The following ATXN1 variants were observed in gnomAD, a reference collection of about 807,000 sequenced individuals.
ATXN1 encodes ataxin 1, also known as ataxin-1.
Under a neutral mutation model 56.4 loss-of-function variants are expected in ATXN1, and 8 were observed. The ratio of observed to expected loss-of-function variants is 0.14; its 90% confidence interval spans 0.08 to 0.26. The LOEUF (loss-of-function observed/expected upper bound fraction) is 0.26. ATXN1 is among the 10% of genes least tolerant of loss of function. The probability of loss-of-function intolerance (pLI) is 1.00; values close to 1 mark genes in which losing one functional copy is unlikely to be tolerated. For synonymous variants in ATXN1, 514 were observed against 494.6 expected (o/e 1.04, Z -0.52); for missense variants, 987 against 1,106.5 (o/e 0.89, Z 1.53).
chr6:16,649,310 C>T (rs1020365184), intron 3 of ATXN1, among the ~76,000 whole-genome samples: 4 of 151,906 alleles, frequency 2.6e-5, no homozygotes, highest in Admixed American at 6.6e-5. Context: ...CAAGTATATT[C>T]CTAGAGCAGA....
chr6:16,422,534 C>T (rs1404187030), intron 6 of ATXN1, among the ~76,000 whole-genome samples: 4 of 152,172 alleles, frequency 2.6e-5, no homozygotes, highest in Admixed American at 1.3e-4. Context: ...GGGTCTCAAG[C>T]CCTGGCAATT....
At chr6:16,625,081 G>C (rs1370514536) in intron 3 of ATXN1, among the ~76,000 whole-genome samples, 2 of 152,148 alleles carry the variant, frequency 1.3e-5, no homozygotes, top group Admixed American at 1.3e-4. Context: ...AAGCCTCTTT[G>C]ATGCCATCCT....
At chr6:16,324,892 C>T (rs570392298) in intron 7 of ATXN1, among the ~76,000 whole-genome samples, 9 of 152,282 alleles carry the variant, frequency 5.9e-5, no homozygotes, top group Non-Finnish European at 1.0e-4. Flanking sequence ...GTATTAACCA[C>T]GCTTTTATTT....
intron 4 of ATXN1, among the ~76,000 whole-genome samples, chr6:16,523,871 T>C (rs1353603058): frequency 6.6e-6 from 1 of 151,454 alleles, no homozygotes; most frequent in Non-Finnish European, 1.5e-5. Flanking sequence ...GGCAACAGAC[T>C]ATTTAATCTA....
intron 3 of ATXN1, among the ~76,000 whole-genome samples, chr6:16,644,538 A>G (rs1199585023): frequency 6.7e-6 from 1 of 149,934 alleles, no homozygotes; most frequent in Admixed American, 6.6e-5. Context: ...AAAGGTTAAA[A>G]TGGTAAATTT....
intron 6 of ATXN1, among the ~76,000 whole-genome samples, chr6:16,347,301 G>A (rs1561861636): frequency 6.6e-6 from 1 of 152,272 alleles, no homozygotes; most frequent in Non-Finnish European, 1.5e-5. Flanking sequence ...GGGCTCCTGA[G>A]TCTGGTGGGG....
intron 2 of ATXN1, among the ~76,000 whole-genome samples, chr6:16,674,782 T>C (rs1478895185): frequency 6.6e-6 from 1 of 152,174 alleles, no homozygotes; most frequent in African/African-American, 2.4e-5. Flanking sequence ...CTGGCTCTGA[T>C]GGCAAAACAG....
At position 16,657,907 on chromosome 6, in the gene ATXN1, G is replaced by C. The variant is rs1266134681; in HGVS notation, c.-614-6C>G. Reference sequence around the variant, plus strand: ...TTTCACTATGCTCCAGTATGCTGCAGTCAAACAAAACAAAATACCAAGTCA... The same window carrying C: ...TTTCACTATGCTCCAGTATGCTGCACTCAAACAAAACAAAATACCAAGTCA... On this transcript the variant is annotated splice_region_variant and splice_polypyrimidine_tract_variant and intron_variant, in intron 2 of 7. Coordinates refer to ENST00000436367, the MANE Select transcript of ATXN1 (RefSeq NM_001128164.2). The C allele has an allele frequency of 6.6e-6, 1 of 152,184 alleles. No homozygotes were observed. The highest frequency in any genetic ancestry group is 2.4e-5 in the African/African-American group (1 of 41,442). 9.4% of individuals were successfully genotyped at this position (152,184 alleles called of 1,614,324 possible).
At chr6:16,467,147 A>C (rs1020897287) in intron 6 of ATXN1, among the ~76,000 whole-genome samples, 2 of 152,238 alleles carry the variant, frequency 1.3e-5, no homozygotes, top group Non-Finnish European at 2.9e-5. Flanking sequence ...CTGGGCGGGG[A>C]GACAGACCCC....
intron 2 of ATXN1, among the ~76,000 whole-genome samples, chr6:16,740,136 T>C (rs1264740363): frequency 6.6e-6 from 1 of 152,202 alleles, no homozygotes; most frequent in Non-Finnish European, 1.5e-5. Flanking sequence ...ATTCTGAGTA[T>C]TTCTGCAACT....
At chr6:16,566,094 T>A (rs1762211130) in intron 4 of ATXN1, among the ~76,000 whole-genome samples, 1 of 152,160 alleles carries the variant, frequency 6.6e-6, no homozygotes, top group African/African-American at 2.4e-5. Flanking sequence ...GAGAGCAGAT[T>A]ATAAAAGATT....
chr6:16,641,867 G>A (rs1206670242), intron 3 of ATXN1, among the ~76,000 whole-genome samples: 1 of 152,242 alleles, frequency 6.6e-6, no homozygotes, highest in Non-Finnish European at 1.5e-5. Context: ...TTCATGGGAA[G>A]AGGTCAAAAT....
intron 4 of ATXN1, among the ~76,000 whole-genome samples, chr6:16,574,298 G>A (rs236923): frequency 0.027 from 4,151 of 152,220 alleles, 166 homozygotes; most frequent in African/African-American, 0.093. Context: ...CTCTGCCTCC[G>A]GGGTTCAAGT....
At chr6:16,560,380 G>A (rs1285923869) in intron 4 of ATXN1, among the ~76,000 whole-genome samples, 2 of 142,790 alleles carry the variant, frequency 1.4e-5, no homozygotes, top group African/African-American at 2.6e-5. Context: ...AGTGCACCGA[G>A]ATCACACCAT....
chr6:16,518,199 G>A (rs1761222162), intron 5 of ATXN1, among the ~76,000 whole-genome samples: 1 of 152,306 alleles, frequency 6.6e-6, no homozygotes, highest in Non-Finnish European at 1.5e-5. Flanking sequence ...AATATGGCCA[G>A]AGCAGGAAGG....
At chr6:16,544,546 T>C (rs560007200) in intron 4 of ATXN1, among the ~76,000 whole-genome samples, 4 of 152,348 alleles carry the variant, frequency 2.6e-5, no homozygotes, top group African/African-American at 7.2e-5. Context: ...TCTGAGTCTA[T>C]GACCCTACAT....
chr6:16,597,453 T>TTG (rs2113776908), intron 3 of ATXN1, among the ~76,000 whole-genome samples: 1 of 151,888 alleles, frequency 6.6e-6, no homozygotes, highest in South Asian at 2.1e-4. Context: ...TTTTTTTTTT[T>TTG]TTTGAGACAG....
intron 4 of ATXN1, among the ~76,000 whole-genome samples, chr6:16,569,579 T>C (rs368991991): frequency 2.6e-5 from 4 of 151,004 alleles, no homozygotes; most frequent in African/African-American, 9.7e-5. Context: ...CTCCTGCTGT[T>C]CCTGAGACAG....
intron 6 of ATXN1, among the ~76,000 whole-genome samples, chr6:16,377,020 T>C (rs1370695920): frequency 6.6e-6 from 1 of 152,210 alleles, no homozygotes; most frequent in African/African-American, 2.4e-5. Context: ...CTTCCATCAA[T>C]TTACTTTCAG....
Sources: allele counts gnomAD v4.1 joint callset (sites outside exome capture counted in the v4.1 genomes callset), GRCh38; gene constraint gnomAD v4.1.1; transcripts MANE v1.5; gene names NCBI Gene and HGNC (gene_info 2026-07-23, HGNC 2026-07-21).